Variants in ARFGEF3 observed in about 807,000 individuals in gnomAD.
ARFGEF3 encodes brefeldin A-inhibited guanine nucleotide-exchange protein 3.
A neutral mutation model predicts 221.7 loss-of-function variants in ARFGEF3; 96 were observed. The observed-to-expected ratio is 0.43, with a 90% confidence interval of 0.37 to 0.51. ARFGEF3 has a LOEUF of 0.51. Among genes scored for constraint, ARFGEF3 ranks in the 20% least tolerant of loss-of-function variants. The probability of loss-of-function intolerance (pLI) is 0.00; values close to 1 mark genes in which losing one functional copy is unlikely to be tolerated. For synonymous variants in ARFGEF3, 1,145 were observed against 1,126.8 expected, an observed-to-expected ratio of 1.02 and a Z score of -0.32; for missense variants, 2,410 against 2,789.9, an observed-to-expected ratio of 0.86 and a Z score of 3.07.
In ARFGEF3 at chr6:138,262,956, G is replaced by T; in HGVS notation, c.1473G>T (p.Thr491=). Residue 491 remains threonine, a synonymous_variant, in exon 12 of 34, where the codon ACG becomes ACT. Coordinates refer to ENST00000251691, the MANE Select transcript of ARFGEF3 (RefSeq NM_020340.5). The part of the protein sequence containing the change: ...WQRRVLSSEH[T]PWESGNERSL... ...GGCGAGTGCTGTCCTCAGAACACAC[G>T]CCGTGGGAGTCAGGGAACGAGAGGA... The T allele has an allele frequency of 6.2e-7, 1 of 1,600,520 alleles. No homozygotes were observed. Among genetic ancestry groups the T allele is most frequent in the Non-Finnish European group, 8.5e-7 (1 of 1,173,534 alleles).
chr6:138,284,404 G>A (rs1779250459), intron 14 of ARFGEF3, among the ~76,000 whole-genome samples: 1 of 152,128 alleles, frequency 6.6e-6, no homozygotes, highest in Non-Finnish European at 1.5e-5. Context: ...ATCCAAGTAT[G>A]TATATTTCAA....
At chr6:138,236,985 G>A (rs1297006853) in intron 5 of ARFGEF3, among the ~76,000 whole-genome samples, 3 of 129,052 alleles carry the variant, frequency 2.3e-5, no homozygotes, top group Non-Finnish European at 4.7e-5. Context: ...TTTTGTCGAG[G>A]TTGAGAAGAC....
chr6:138,272,142 C>CATTTATTTACTTATTT (rs1779014055), intron 12 of ARFGEF3, among the ~76,000 whole-genome samples: 1 of 148,650 alleles, frequency 6.7e-6, no homozygotes, highest in Admixed American at 6.7e-5. Flanking sequence ...TAGCAGATGC[C>CATTTATTTACTTATTT]ATTTATTTAT....
At chr6:138,328,905 G>A (rs990867371) in intron 32 of ARFGEF3, among the ~76,000 whole-genome samples, 5 of 152,196 alleles carry the variant, frequency 3.3e-5, no homozygotes, top group African/African-American at 9.7e-5. Context: ...GCTGAGGTGG[G>A]AGGATCACTT....
At chr6:138,178,845 A>G (rs1416629479) in intron 2 of ARFGEF3, among the ~76,000 whole-genome samples, 1 of 152,188 alleles carries the variant, frequency 6.6e-6, no homozygotes, top group African/African-American at 2.4e-5. Flanking sequence ...AGGTCGGTCT[A>G]AAGAGTATAC....
chr6:138,173,151 T>A (rs921649387), intron 2 of ARFGEF3, among the ~76,000 whole-genome samples: 1 of 136,754 alleles, frequency 7.3e-6, no homozygotes, highest in East Asian at 2.0e-4. Flanking sequence ...AGAGTTCACC[T>A]TTTTTTTTGA....
intron 2 of ARFGEF3, among the ~76,000 whole-genome samples, chr6:138,204,971 A>C (rs1777601622): frequency 6.6e-6 from 1 of 152,178 alleles, no homozygotes; most frequent in Non-Finnish European, 1.5e-5. Flanking sequence ...TGGAGATCCT[A>C]GCATTTGTCA....
intron 4 of ARFGEF3, among the ~76,000 whole-genome samples, chr6:138,219,981 G>T (rs954854880): frequency 1.3e-5 from 2 of 151,902 alleles, no homozygotes; most frequent in Admixed American, 1.3e-4. Context: ...GTGTGTATAG[G>T]ATTTTTTTTC....
At chr6:138,278,712 G>A (rs533420244) in intron 13 of ARFGEF3, 95 bp downstream of exon 13, 1,167 of 1,373,000 alleles carry the variant, frequency 8.5e-4, no homozygotes, top group South Asian at 1.6e-3. Context: ...ATGGCACAGC[G>A]TGTTTTGTTC....
chr6:138,317,398 G>T lies in ARFGEF3; in HGVS notation c.4474+19G>T. Reference sequence around the variant, plus strand: ...ACACCAGGTAAATATTTCTGTGTCCGTCTTTTGGGGGAGTGGTTATACATG... The same window carrying T: ...ACACCAGGTAAATATTTCTGTGTCCTTCTTTTGGGGGAGTGGTTATACATG... On this transcript the variant is annotated intron_variant, in intron 27 of 33. Transcript: ENST00000251691. 6.2e-7 allele frequency: 1 copy of T among 1,613,532 alleles called. No individual in the cohort carries two copies. The highest frequency in any genetic ancestry group is 8.5e-7 in the Non-Finnish European group (1 of 1,179,702).
chr6:138,194,115 G>A (rs985389703), intron 2 of ARFGEF3, among the ~76,000 whole-genome samples: 51 of 152,014 alleles, frequency 3.4e-4, no homozygotes, highest in African/African-American at 1.1e-3. Context: ...TAAAAATACA[G>A]AAATTAGCCA....
intron 2 of ARFGEF3, among the ~76,000 whole-genome samples, chr6:138,186,646 A>G (rs931747500): frequency 5.9e-5 from 9 of 151,982 alleles, no homozygotes; most frequent in African/African-American, 2.2e-4. Context: ...ATAAAGTTAG[A>G]CTCTTGTCAC....
rs1188323622 is a variant in ARFGEF3, at chr6:138,338,811, A to G, written c.*2325A>G. ...GTGAAACTCCATCTAAAAAAAAAAA[A>G]AAAAAAAAGTGAATACTGTATCCCA... On this transcript the variant is annotated 3_prime_UTR_variant, in exon 34 of 34. Transcript: ENST00000251691. 6.6e-6 allele frequency: 1 copy of G among 152,236 alleles called. No individual in the cohort carries two copies. The highest frequency in any genetic ancestry group is 6.6e-5 in the Admixed American group (1 of 15,246). 9.4% of individuals were successfully genotyped at this position (152,236 alleles called of 1,614,324 possible).
At chr6:138,230,319 A>G (rs934076787) in intron 5 of ARFGEF3, among the ~76,000 whole-genome samples, 4 of 152,170 alleles carry the variant, frequency 2.6e-5, no homozygotes, top group Admixed American at 2.0e-4. Flanking sequence ...TCTCATTTCA[A>G]TCTGTATTGC....
At chr6:138,277,395 C>G (rs1413091048) in intron 12 of ARFGEF3, among the ~76,000 whole-genome samples, 1 of 152,228 alleles carries the variant, frequency 6.6e-6, no homozygotes, top group Non-Finnish European at 1.5e-5. Context: ...GTTGTTTCCA[C>G]CTTTTGGCTG....
At chr6:138,308,309 A>G (rs1302873137) in intron 23 of ARFGEF3, among the ~76,000 whole-genome samples, 1 of 152,190 alleles carries the variant, frequency 6.6e-6, no homozygotes, top group Non-Finnish European at 1.5e-5. Context: ...CCAATTTTGC[A>G]AGCAAGCTTT....
intron 2 of ARFGEF3, among the ~76,000 whole-genome samples, chr6:138,196,100 C>T (rs996486665): frequency 3.3e-5 from 5 of 151,950 alleles, no homozygotes; most frequent in Admixed American, 6.5e-5. Flanking sequence ...CAAATGGTAA[C>T]CATTAAGGTC....
intron 26 of ARFGEF3, 111 bp from the exon 27 acceptor site, chr6:138,317,140 C>A: frequency 1.8e-6 from 2 of 1,119,138 alleles, no homozygotes; most frequent in Non-Finnish European, 2.5e-6. Flanking sequence ...TGGGTGATGG[C>A]TCACGTCTGT....
intron 12 of ARFGEF3, among the ~76,000 whole-genome samples, chr6:138,265,683 C>T (rs941838182): frequency 6.6e-6 from 1 of 152,158 alleles, no homozygotes; most frequent in Non-Finnish European, 1.5e-5. Context: ...CCTCCTTCAA[C>T]CAACATTTAT....
Sources: gnomAD v4.1 joint callset for allele counts (sites outside exome capture counted in the v4.1 genomes callset) on GRCh38, gnomAD v4.1.1 for gene constraint, MANE v1.5 for transcripts, NCBI Gene and HGNC (gene_info 2026-07-23, HGNC 2026-07-21) for gene names.